Variants in ARL3 observed in about 807,000 individuals in gnomAD.
ARL3 encodes ADP-ribosylation factor-like protein 3.
A neutral mutation model predicts 26.0 loss-of-function variants in ARL3; 9 were observed. The ratio of observed to expected loss-of-function variants is 0.35; its 90% CI spans 0.21 to 0.60. The LOEUF is 0.60. ARL3 is among the 20% of genes least tolerant of loss of function. The pLI is 0.78. For missense variants in ARL3, 158 were observed against 215.7 expected (o/e 0.73, Z 1.67); for synonymous variants, 71 against 78.4 (o/e 0.91, Z 0.50).
rs950737004 is a variant in ARL3, at chr10:102,673,849, A to T, written c.*3045T>A. ...TTGATTATCATTTTCAAAAGGGATT[A>T]TAAAAAAAGAACCTTTTGATGGATC... On this transcript the variant is annotated 3_prime_UTR_variant, in exon 6 of 6. Coordinates refer to ENST00000260746, the MANE Select transcript of ARL3 (RefSeq NM_004311.4). 1.3e-5 allele frequency: 2 copies of T among 152,312 alleles called. No homozygotes were observed. Among genetic ancestry groups the T allele is most frequent in the Non-Finnish European group, 2.9e-5 (2 of 68,054 alleles). The allele number at this position is 152,312 out of a possible 1,614,324, so 9.4% of individuals were successfully genotyped here. A position where few individuals can be genotyped will look rare whatever the true frequency, so the allele number is the denominator to read the frequency against.
chr10:102,693,267 C>G (rs10437480), intron 3 of ARL3, among the ~76,000 whole-genome samples: 48,880 of 152,042 alleles, frequency 0.32, 8,296 homozygotes, highest in African/African-American at 0.38. Context: ...AAACTACCAA[C>G]TGTCTTCCAA....
rs1412650172 is a variant in ARL3 at position 102,680,791 on chromosome 10, G to A, written c.502-3850C>T. Among the ~76,000 whole-genome samples, 5 of 152,110 alleles carry A rather than the reference G, an allele frequency of 3.3e-5. No homozygotes were observed. The South Asian group carries it at 1.0e-3, about 32-fold the overall frequency. Reference sequence around the variant, plus strand: ...ATTGCTTTAAGATGATGAGGTGCTCGGACCCTTGCTGAGCAATGCAGCCTA... The same window carrying A: ...ATTGCTTTAAGATGATGAGGTGCTCAGACCCTTGCTGAGCAATGCAGCCTA... On this transcript the variant is annotated intron_variant, in intron 5 of 5. Coordinates refer to ENST00000260746, the MANE Select transcript of ARL3 (RefSeq NM_004311.4).
At chr10:102,685,132 C>A (rs535174276) in intron 5 of ARL3, among the ~76,000 whole-genome samples, 2 of 151,256 alleles carry the variant, frequency 1.3e-5, no homozygotes, top group Admixed American at 1.3e-4. Context: ...GCCTGTAATC[C>A]CAGCTACTTG....
At position 102,675,989 on chromosome 10, in the gene ARL3, C is replaced by T. The variant is rs4146427; in HGVS notation, c.*905G>A. 1 allele frequency: 152,517 copies of T among 152,768 alleles called. 76,133 individuals are homozygous for T. Among genetic ancestry groups the T allele is most frequent in the East Asian group, 1 (5,182 of 5,182 alleles). 9.5% of individuals were successfully genotyped at this position (152,768 alleles called of 1,614,324 possible). A position where few individuals can be genotyped will look rare whatever the true frequency, so the allele number is the denominator to read the frequency against. ...AGCTTTAGAAATCCTGTCTATAGGACGGCCGTGGAGAAGCCAGCTAATCTC... is the reference window on the plus strand; with the variant it reads ...AGCTTTAGAAATCCTGTCTATAGGATGGCCGTGGAGAAGCCAGCTAATCTC... On this transcript the variant is annotated 3_prime_UTR_variant, in exon 6 of 6. Transcript: ENST00000260746.
intron 1 of ARL3, among the ~76,000 whole-genome samples, chr10:102,708,908 A>ATATATATATATATATATTTTTTTT: frequency 1.0e-5 from 1 of 95,326 alleles, no homozygotes; most frequent in African/African-American, 4.2e-5. Flanking sequence ...ATATATATAT[A>ATATATATATATATATATTTTTTTT]TTTTTTTTTT....
chr10:102,708,837 C>G (rs1311407842), intron 1 of ARL3, among the ~76,000 whole-genome samples: 1 of 144,732 alleles, frequency 6.9e-6, no homozygotes, highest in African/African-American at 2.6e-5. Flanking sequence ...GCCTGGACAA[C>G]AAAAGTGAAA....
intron 5 of ARL3, among the ~76,000 whole-genome samples, chr10:102,683,307 T>C (rs1427957330): frequency 2.6e-5 from 4 of 152,190 alleles, no homozygotes; most frequent in African/African-American, 9.7e-5. Context: ...ATTCCCTTCT[T>C]AATTAACATT....
intron 1 of ARL3, among the ~76,000 whole-genome samples, chr10:102,711,892 T>C (rs991841592): frequency 6.6e-6 from 1 of 152,210 alleles, no homozygotes; most frequent in African/African-American, 2.4e-5. Flanking sequence ...CGTGTTTTGT[T>C]TATTTTTTTA....
intron 5 of ARL3, among the ~76,000 whole-genome samples, 159 bp downstream of exon 5, chr10:102,685,657 A>T (rs1377723389): frequency 6.6e-6 from 1 of 152,112 alleles, no homozygotes; most frequent in Non-Finnish European, 1.5e-5. Context: ...GCACCTCATG[A>T]TATCTGATTG....
intron 5 of ARL3, among the ~76,000 whole-genome samples, chr10:102,681,119 GGCTCAC>G (rs2064154133): frequency 6.6e-6 from 1 of 152,154 alleles, no homozygotes; most frequent in Non-Finnish European, 1.5e-5. Flanking sequence ...CAGGCGTGGT[GGCTCAC>G]GCCTGTAATC....
intron 5 of ARL3, among the ~76,000 whole-genome samples, chr10:102,681,262 G>A (rs985835075): frequency 1.1e-4 from 16 of 151,810 alleles, no homozygotes; most frequent in African/African-American, 3.4e-4. Flanking sequence ...CGTGGTGGTG[G>A]GCATCTGTAA....
chr10:102,695,487 C>T lies in ARL3; in HGVS notation c.264+3886G>A, dbSNP rs575384144. ...TTATATCCTGCAGCCTTGGTATGAT[C>T]ACTTATTAGTTCTAAGTGTTTCCTT... On this transcript the variant is annotated intron_variant, in intron 3 of 5. Transcript: ENST00000260746. Among the ~76,000 whole-genome samples the T allele has an allele frequency of 2.0e-5, 3 of 152,268 alleles. 1 individual carries two copies. The South Asian group carries it at 6.2e-4, about 32-fold the overall frequency.
rs541091488 is a variant in ARL3, at chr10:102,710,518, A to C, written c.3+3755T>G. 3.9e-5 allele frequency among the ~76,000 whole-genome samples: 6 copies of C among 152,390 alleles called. No individual in the cohort carries two copies. In the South Asian group the frequency reaches 1.2e-3, roughly 32 times the overall value. On this transcript the variant is annotated intron_variant, in intron 1 of 5. Transcript: ENST00000260746. ...AATTTATCATAGGGCTGAGTTTTGC[A>C]GTATAAATACAATGACATTAATTTT...
chr10:102,696,585 A>AATTC (rs1327230234), intron 3 of ARL3, among the ~76,000 whole-genome samples: 14 of 152,142 alleles, frequency 9.2e-5, no homozygotes, highest in Non-Finnish European at 1.9e-4. Context: ...AAAATGCAAA[A>AATTC]ATTCCTGTCC....
At chr10:102,703,425 C>CTTTTTTTTTTTTTT (rs57721161) in intron 2 of ARL3, among the ~76,000 whole-genome samples, 3 of 48,486 alleles carry the variant, frequency 6.2e-5, no homozygotes, top group Admixed American at 2.9e-4. Context: ...CAGGACTTGT[C>CTTTTTTTTTTTTTT]TTTTTTTTTT....
chr10:102,706,728 T>C (rs1307137730), intron 1 of ARL3, among the ~76,000 whole-genome samples: 2 of 151,980 alleles, frequency 1.3e-5, no homozygotes, highest in African/African-American at 4.8e-5. Context: ...TGGAGTGCAG[T>C]GGTGCAATCT....
chr10:102,698,605 G>C (rs189569188), intron 3 of ARL3, among the ~76,000 whole-genome samples: 167 of 152,216 alleles, frequency 1.1e-3, no homozygotes, highest in Non-Finnish European at 1.4e-3. Flanking sequence ...GCTGGTGAAG[G>C]AACTGAGAGG....
In ARL3 at chr10:102,689,917, T is replaced by G; in HGVS notation, c.291A>C (p.Arg97Ser). ...ILIYVIDSAD[R>S]KRFEETGQEL... ...CCTGACCCGTCTCTTCAAATCTTTT[T>G]CTGTCTGCACTGTCGATTACATATA... The change falls in exon 4 of 6, where the codon AGA (arginine) becomes AGC (serine). Residue 97 changes from arginine to serine, a missense_variant. Physicochemically the swap from Arg to Ser is moderately radical, Grantham distance 110. Coordinates refer to ENST00000260746, the MANE Select transcript of ARL3 (RefSeq NM_004311.4). 1 of 1,598,928 alleles carries G rather than the reference T, an allele frequency of 6.3e-7. No homozygotes were observed. Among genetic ancestry groups the G allele is most frequent in the South Asian group, 1.1e-5 (1 of 89,654 alleles).
At chr10:102,711,432 A>G (rs888028141) in intron 1 of ARL3, among the ~76,000 whole-genome samples, 5 of 151,898 alleles carry the variant, frequency 3.3e-5, no homozygotes, top group African/African-American at 1.2e-4. Flanking sequence ...ATGTATATAC[A>G]TAACACTGCA....
Sources: gnomAD v4.1 joint callset for allele counts (sites outside exome capture counted in the v4.1 genomes callset) on GRCh38, gnomAD v4.1.1 for gene constraint, MANE v1.5 for transcripts, NCBI Gene and HGNC (gene_info 2026-07-23, HGNC 2026-07-21) for gene names.